SGIP1: variants seen among roughly 807,000 people sequenced by gnomAD.
SGIP1 encodes the protein SH3-containing GRB2-like protein 3-interacting protein 1.
SGIP1 carries 38 observed loss-of-function variants against 107.5 expected under a neutral mutation model. The observed-to-expected ratio is 0.35, with a 90% CI of 0.27 to 0.46. The LOEUF is 0.46. SGIP1 is among the 20% of genes least tolerant of loss of function. SGIP1 has a pLI of 1.00. For missense variants in SGIP1, 929 were observed against 1,019.5 expected, an observed-to-expected ratio of 0.91 and a Z score of 1.21; for synonymous variants, 365 against 366.1, an observed-to-expected ratio of 1.00 and a Z score of 0.03.
intron 1 of SGIP1, among the ~76,000 whole-genome samples, chr1:66,579,777 A>C (rs560438430): frequency 6.6e-6 from 1 of 152,300 alleles, no homozygotes; most frequent in Admixed American, 6.5e-5. Context: ...TATTGTTACA[A>C]AACCTTTCTG....
chr1:66,549,959 A>AG, intron 1 of SGIP1, among the ~76,000 whole-genome samples: 1 of 152,284 alleles, frequency 6.6e-6, no homozygotes, highest in Middle Eastern at 3.4e-3. Context: ...TTGTTCCAGA[A>AG]GGAAGCAGGA....
chr1:66,735,221 T>A (rs1351373281), intron 21 of SGIP1, among the ~76,000 whole-genome samples: 1 of 151,852 alleles, frequency 6.6e-6, no homozygotes, highest in African/African-American at 2.4e-5. Context: ...TATTTTATTT[T>A]ATTTAGTTTT....
At chr1:66,653,634 C>CA (rs2079152282) in intron 7 of SGIP1, among the ~76,000 whole-genome samples, 1 of 152,154 alleles carries the variant, frequency 6.6e-6, no homozygotes, top group African/African-American at 2.4e-5. Flanking sequence ...CACAAACACT[C>CA]AATTTCTGTA....
rs775402707 is a variant in SGIP1 at position 66,673,306 on chromosome 1, G to A, written c.586G>A (p.Ala196Thr). ...ISKKPPDDTT[A>T]LAPLFGPPLE... ...CAAAAAGCCTCCAGATGACACTACGGCCCTTGCTCCTCTCTTTGGCCCACC... is the reference window on the plus strand; with the variant it reads ...CAAAAAGCCTCCAGATGACACTACGACCCTTGCTCCTCTCTTTGGCCCACC... Residue 196 changes from alanine to threonine, a missense_variant, in exon 12 of 25, where the codon GCC (alanine) becomes ACC (threonine). By Grantham distance (58) the Ala-to-Thr change is moderately conservative. Coordinates refer to ENST00000371037, the MANE Select transcript of SGIP1 (RefSeq NM_032291.4). 2 of 1,613,832 alleles carry A rather than the reference G, an allele frequency of 1.2e-6. No individual in the cohort carries two copies. Among genetic ancestry groups the A allele is most frequent in the South Asian group, 1.1e-5 (1 of 91,000 alleles).
chr1:66,741,180 G>A, intron 23 of SGIP1, 92 bp from the exon 24 acceptor site: 1 of 1,324,868 alleles, frequency 7.5e-7, no homozygotes, highest in South Asian at 1.7e-5. Flanking sequence ...AATCATGTCT[G>A]ATTTTGTACG....
intron 8 of SGIP1, among the ~76,000 whole-genome samples, chr1:66,664,384 T>C (rs2082113880): frequency 6.6e-6 from 1 of 152,194 alleles, no homozygotes; most frequent in African/African-American, 2.4e-5. Flanking sequence ...ATAATATGTC[T>C]AGTGTCCTAG....
At chr1:66,589,281 G>T (rs1293822835) in intron 1 of SGIP1, among the ~76,000 whole-genome samples, 2 of 142,040 alleles carry the variant, frequency 1.4e-5, no homozygotes, top group Non-Finnish European at 3.0e-5. Context: ...AATGGAAAAA[G>T]AATGAATCAA....
intron 11 of SGIP1, 85 bp downstream of exon 11, chr1:66,672,080 T>G: frequency 8.0e-7 from 1 of 1,253,402 alleles, no homozygotes; most frequent in Non-Finnish European, 1.2e-6. Context: ...AGCTAAACTC[T>G]CAGCTCCCAT....
At chr1:66,644,225 A>T (rs1216257256) in intron 7 of SGIP1, among the ~76,000 whole-genome samples, 1 of 152,114 alleles carries the variant, frequency 6.6e-6, no homozygotes, top group Non-Finnish European at 1.5e-5. Flanking sequence ...CATATCCTTC[A>T]TTCTATTGTA....
intron 15 of SGIP1, chr1:66,684,242 G>A (rs2087634912): frequency 7.1e-6 from 11 of 1,549,746 alleles, no homozygotes; most frequent in Non-Finnish European, 7.0e-6. Context: ...AGGCACTTTT[G>A]TAAGGTTTGG....
At chr1:66,573,333 A>G (rs891484846) in intron 1 of SGIP1, among the ~76,000 whole-genome samples, 4 of 152,116 alleles carry the variant, frequency 2.6e-5, no homozygotes, top group Admixed American at 6.6e-5. Flanking sequence ...AATTAGTTCA[A>G]CCATTGTGGA....
chr1:66,689,532 C>T (rs548371237), intron 16 of SGIP1, among the ~76,000 whole-genome samples: 6 of 152,206 alleles, frequency 3.9e-5, no homozygotes, highest in East Asian at 3.9e-4. Context: ...ATACAAATGA[C>T]GATAGTAACA....
At chr1:66,655,358 C>CT (rs1296423062) in intron 7 of SGIP1, among the ~76,000 whole-genome samples, 13 of 152,142 alleles carry the variant, frequency 8.5e-5, no homozygotes, top group Admixed American at 8.5e-4. Context: ...TCAAGGAAGC[C>CT]TACCCTGCCC....
In SGIP1 at chr1:66,681,893, T is replaced by A. The variant is rs2086791728; in HGVS notation, c.839T>A (p.Val280Asp). 1.9e-6 allele frequency: 3 copies of A among 1,612,794 alleles called. No individual in the cohort carries two copies. Among genetic ancestry groups the A allele is most frequent in the Non-Finnish European group, 1.7e-6 (2 of 1,179,262 alleles). ...GPGNDQSATE[V>D]KIEKLPSIND... is the part of the protein sequence containing the mutation. ...GGAAATGACCAGTCAGCCACAGAGG[T>A]CAAAATTGAAAAACTACCATCCATC... Residue 280 changes from valine to aspartate, a missense_variant, in exon 15 of 25, where the codon GTC (valine) becomes GAC (aspartate). By Grantham distance (152) the Val-to-Asp change is radical. Transcript: ENST00000371037.
chr1:66,550,159 G>A (rs1342802067), intron 1 of SGIP1, among the ~76,000 whole-genome samples: 1 of 152,062 alleles, frequency 6.6e-6, no homozygotes, highest in African/African-American at 2.4e-5. Context: ...TAGGTCCTAG[G>A]CCATAAATCT....
chr1:66,586,860 G>T (rs926878986), intron 1 of SGIP1, among the ~76,000 whole-genome samples: 12 of 151,652 alleles, frequency 7.9e-5, no homozygotes, highest in Non-Finnish European at 1.8e-4. Flanking sequence ...TTTTAGAGTA[G>T]GTCTGCTGGT....
chr1:66,681,975 T>G lies in SGIP1; in HGVS notation c.921T>G (p.Asn307Lys). The change falls in exon 15 of 25, where the codon AAT (asparagine) becomes AAG (lysine). Residue 307 changes from asparagine to lysine, a missense_variant. Transcript: ENST00000371037. ...TGTCCCCCAAGTCTGTTGCTGTTAA[T>G]GCTGAAGAAAAGTGGGTCCATTTTT... ...PVLSPKSVAVNAEEKWVHFSD... is the reference protein window; with the variant it reads ...PVLSPKSVAVKAEEKWVHFSD... 2 of 1,614,228 alleles carry G rather than the reference T, an allele frequency of 1.2e-6. No individual in the cohort carries two copies. Among genetic ancestry groups the G allele is most frequent in the Non-Finnish European group, 1.7e-6 (2 of 1,180,038 alleles).
intron 1 of SGIP1, among the ~76,000 whole-genome samples, chr1:66,594,610 C>A (rs947133445): frequency 6.6e-6 from 1 of 152,114 alleles, no homozygotes; most frequent in Non-Finnish European, 1.5e-5. Context: ...AGCAGTCATG[C>A]GGCCCAGACT....
chr1:66,713,609 T>C (rs1459450239), intron 18 of SGIP1, among the ~76,000 whole-genome samples: 2 of 152,158 alleles, frequency 1.3e-5, no homozygotes, highest in Non-Finnish European at 1.5e-5. Flanking sequence ...CTTCATGTAG[T>C]GTTTCATTTG....
Sources: gnomAD v4.1 joint callset for allele counts (sites outside exome capture counted in the v4.1 genomes callset) on GRCh38, gnomAD v4.1.1 for gene constraint, MANE v1.5 for transcripts, NCBI Gene and HGNC (gene_info 2026-07-23, HGNC 2026-07-21) for gene names.